The following AP3D1 variants were observed in gnomAD, a reference collection of about 807,000 sequenced individuals.
AP3D1 encodes the protein AP-3 complex subunit delta-1.
In AP3D1, 51 loss-of-function variants were observed where a neutral mutation model predicts 147.6. The observed-to-expected ratio is 0.35, with a 90% CI of 0.28 to 0.44. The LOEUF (loss-of-function observed/expected upper bound fraction) is 0.44, where lower values mean the gene tolerates loss of function less well. Ranked by LOEUF, AP3D1 falls within the 20% of genes least tolerant of loss-of-function variation. AP3D1 has a pLI of 1.00. For missense variants in AP3D1, 1,421 were observed against 1,624.2 expected (o/e 0.87, Z 2.15); for synonymous variants, 760 against 663.0 (o/e 1.15, Z -2.25).
At chr19:2,129,712 C>T (rs2018882407) in intron 6 of AP3D1, among the ~76,000 whole-genome samples, 2 of 152,320 alleles carry the variant, frequency 1.3e-5, no homozygotes, top group East Asian at 1.9e-4. Flanking sequence ...TGCGCACAAG[C>T]GTCACCAAGC....
chr19:2,136,003 T>A (rs1302488325), intron 4 of AP3D1, among the ~76,000 whole-genome samples: 2 of 135,472 alleles, frequency 1.5e-5, no homozygotes, highest in African/African-American at 2.8e-5. Flanking sequence ...CCCAGGCCCC[T>A]CCCGCTACAC....
chr19:2,152,924 C>T (rs1425379097), upstream of AP3D1, among the ~76,000 whole-genome samples: 6 of 151,804 alleles, frequency 4.0e-5, no homozygotes, highest in Non-Finnish European at 7.4e-5. Context: ...ATTTACAATA[C>T]ATATATCTGA....
intron 24 of AP3D1, chr19:2,112,080 A>C: frequency 1.8e-6 from 1 of 565,674 alleles, no homozygotes; most frequent in South Asian, 2.1e-5. Context: ...CCGACCAGGG[A>C]GCCATGCAGG....
chr19:2,109,241 G>C (rs749172640), intron 29 of AP3D1, 34 bp from the exon 30 acceptor site: 2 of 1,540,490 alleles, frequency 1.3e-6, no homozygotes, highest in East Asian at 2.4e-5. Flanking sequence ...ACTGCGGTGG[G>C]GCCGGGCTCC....
At chr19:2,151,854 T>C (rs1310371929), upstream of AP3D1, among the ~76,000 whole-genome samples, 1 of 152,248 alleles carries the variant, frequency 6.6e-6, no homozygotes, top group East Asian at 1.9e-4. Context: ...TCCCACCAGC[T>C]GACAGGTGTG....
intron 31 of AP3D1, among the ~76,000 whole-genome samples, chr19:2,106,165 C>T (rs916253075): frequency 3.9e-5 from 6 of 152,230 alleles, no homozygotes; most frequent in Admixed American, 3.3e-4. Flanking sequence ...CGGCAGCAGG[C>T]GGGAAACAAA....
At chr19:2,114,366 C>T (rs924772058) in intron 21 of AP3D1, 64 bp from the exon 22 acceptor site, 1 of 1,382,250 alleles carries the variant, frequency 7.2e-7, no homozygotes, top group Non-Finnish European at 1.0e-6. Flanking sequence ...CCACTCAGTA[C>T]ATGCCGTGTC....
intron 8 of AP3D1, among the ~76,000 whole-genome samples, chr19:2,128,365 G>A (rs1053661268): frequency 2.6e-5 from 4 of 152,090 alleles, no homozygotes; most frequent in Admixed American, 1.3e-4. Context: ...TCCAGTCTAG[G>A]ACGGACAGTC....
At chr19:2,160,825 G>T (rs2019690789) in intron 1 of AP3D1, among the ~76,000 whole-genome samples, 3 of 152,152 alleles carry the variant, frequency 2.0e-5, no homozygotes, top group Admixed American at 2.0e-4. Context: ...GCTATCCTGG[G>T]CACTGCAGGG....
At position 2,117,296 on chromosome 19, in the gene AP3D1, C is replaced by T; in HGVS notation, c.1785G>A (p.Glu595=). Residue 595 remains glutamate, a synonymous_variant, in exon 16 of 32, where the codon GAG becomes GAA. Transcript: ENST00000643116. ...GCTCCCCAGCAAAGAGAGCGCTGAC[C>T]TCCTCTGCCACAGGCACGTCCTTGG... ...LQAKDVPVAE[E]VSALFAGELN... 3 of 1,612,964 alleles carry T rather than the reference C, an allele frequency of 1.9e-6. 1 individual carries two copies. The South Asian group carries it at 3.3e-5, about 18-fold the overall frequency.
intron 8 of AP3D1, among the ~76,000 whole-genome samples, chr19:2,127,901 A>G (rs1341121870): frequency 6.6e-6 from 1 of 152,198 alleles, no homozygotes; most frequent in African/African-American, 2.4e-5. Flanking sequence ...CTTTACAGTC[A>G]CCTGCAGCGT....
chr19:2,111,903 C>T, intron 24 of AP3D1, 75 bp from the exon 25 acceptor site: 1 of 1,597,196 alleles, frequency 6.3e-7, no homozygotes, highest in Non-Finnish European at 8.5e-7. Flanking sequence ...AGGTCAGGAT[C>T]ACAGCAGGGC....
intron 1 of AP3D1, among the ~76,000 whole-genome samples, chr19:2,157,588 C>T (rs567485241): frequency 6.6e-6 from 1 of 151,022 alleles, no homozygotes; most frequent in African/African-American, 2.4e-5. Context: ...CATCCACCCA[C>T]CGACTCATCC....
upstream of AP3D1, among the ~76,000 whole-genome samples, chr19:2,151,808 G>T (rs1414581749): frequency 6.6e-6 from 1 of 152,244 alleles, no homozygotes; most frequent in African/African-American, 2.4e-5. Flanking sequence ...CTAGTTCTGA[G>T]CCCTAGCCAC....
intron 9 of AP3D1, among the ~76,000 whole-genome samples, chr19:2,125,717 T>C (rs374536311): frequency 6.6e-6 from 1 of 151,992 alleles, no homozygotes; most frequent in African/African-American, 2.4e-5. Context: ...TAAACAGAAA[T>C]GTAGGCCGGG....
chr19:2,103,032 G>A lies in AP3D1; in HGVS notation c.3553-764C>T, dbSNP rs191649877. Among the ~76,000 whole-genome samples the A allele has an allele frequency of 5.5e-3, 841 of 152,166 alleles. 8 individuals are homozygous for A. The highest frequency in any genetic ancestry group is 8.8e-3 in the Non-Finnish European group (596 of 68,010). The stretch of plus-strand genomic sequence containing the variant: ...CCAGCTATGCGGGAGGCTGAGGCGG[G>A]AGGGTCGCTTGAGCCCAGGAGGGTG... On this transcript the variant is annotated intron_variant, in intron 31 of 31. Transcript: ENST00000643116.
chr19:2,123,890 C>CA lies in AP3D1; in HGVS notation c.857-12dup. Reference sequence around the variant, plus strand: ...ACAGCGAGATGAGCACTGCAACAGACAGCTTGGTCAGCACCACGGTCAGCA... The same window carrying CA: ...ACAGCGAGATGAGCACTGCAACAGACAAGCTTGGTCAGCACCACGGTCAGCA... On this transcript the variant is annotated splice_polypyrimidine_tract_variant and intron_variant, in intron 9 of 31. Coordinates refer to ENST00000643116, the MANE Select transcript of AP3D1 (RefSeq NM_001261826.3). 1 of 1,569,044 alleles carries CA rather than the reference C, an allele frequency of 6.4e-7. No homozygotes were observed. Among genetic ancestry groups the CA allele is most frequent in the Non-Finnish European group, 8.6e-7 (1 of 1,157,132 alleles).
At chr19:2,109,696 C>CG in intron 29 of AP3D1, 177 bp downstream of exon 29, 1 of 628,566 alleles carries the variant, frequency 1.6e-6, no homozygotes, top group East Asian at 2.8e-5. Flanking sequence ...TTCAACTACA[C>CG]GGCCCCGGCT....
Position 2,117,282 on chromosome 19 carries a change from A to G in AP3D1, c.1799T>C (p.Phe600Ser), listed in dbSNP as rs1599454819. The change falls in exon 16 of 32, where the codon TTT becomes TCT. Residue 600 changes from phenylalanine to serine, a missense_variant. By Grantham distance (155) the Phe-to-Ser change is radical (BLOSUM62 -2). Around this residue, in one of 6 missense-constraint regions of AP3D1, gnomAD observed 310 missense variants for 388.1 expected, o/e 0.80. Coordinates refer to ENST00000643116, the MANE Select transcript of AP3D1 (RefSeq NM_001261826.3). ...VPVAEEVSAL[F>S]AGELNPVAPK... ...GGCCACTGGGTTCAGCTCCCCAGCA[A>G]AGAGAGCGCTGACCTCCTCTGCCAC... is the stretch of plus-strand genomic sequence containing the variant. The G allele has an allele frequency of 6.2e-7, 1 of 1,612,608 alleles. No individual in the cohort carries two copies. The highest frequency in any genetic ancestry group is 8.5e-7 in the Non-Finnish European group (1 of 1,179,606).
Sources: gnomAD v4.1 joint callset for allele counts (sites outside exome capture counted in the v4.1 genomes callset) on GRCh38, gnomAD v4.1.1 for gene constraint, gnomAD v4.1.1 regional missense constraint, MANE v1.5 for transcripts, NCBI Gene and HGNC (gene_info 2026-07-23, HGNC 2026-07-21) for gene names.